ANP32B: variants seen among roughly 807,000 people sequenced by gnomAD.
The protein encoded by ANP32B is acidic nuclear phosphoprotein 32 family member B.
In ANP32B, 6 loss-of-function variants were observed where a neutral mutation model predicts 32.2. That is an observed-to-expected ratio of 0.19 (90% CI 0.10 to 0.37). The LOEUF (loss-of-function observed/expected upper bound fraction) is 0.37, where lower values mean the gene tolerates loss of function less well. Ranked by LOEUF, ANP32B falls within the 10% of genes least tolerant of loss-of-function variation. The pLI, the probability that ANP32B is intolerant of heterozygous loss-of-function variation, is 1.00. For synonymous variants in ANP32B, 98 were observed against 105.8 expected (o/e 0.93, Z 0.45); for missense variants, 204 against 289.2 (o/e 0.71, Z 2.14).
At chr9:97,984,346 C>G (rs1236619368) in intron 1 of ANP32B, among the ~76,000 whole-genome samples, 1 of 151,336 alleles carries the variant, frequency 6.6e-6, no homozygotes. Flanking sequence ...AAAAATAAAA[C>G]TTTCTCCCCC....
At chr9:98,008,633 A>G (rs1244992681) in intron 4 of ANP32B, among the ~76,000 whole-genome samples, 2 of 152,218 alleles carry the variant, frequency 1.3e-5, no homozygotes, top group Non-Finnish European at 2.9e-5. Context: ...TTTGTGAAGC[A>G]AAGTTTTCTG....
intron 4 of ANP32B, among the ~76,000 whole-genome samples, chr9:98,010,307 G>C (rs1828161882): frequency 6.7e-6 from 1 of 149,788 alleles, no homozygotes; most frequent in Admixed American, 6.6e-5. Flanking sequence ...AATAGGCTAG[G>C]TATGGTGGCT....
chr9:97,996,096 T>C (rs1827901112), intron 2 of ANP32B, among the ~76,000 whole-genome samples: 1 of 152,188 alleles, frequency 6.6e-6, no homozygotes, highest in Admixed American at 6.5e-5. Flanking sequence ...CTTCTAAGTA[T>C]ACTAGAGGTT....
chr9:98,010,150 A>G (rs1281843994), intron 4 of ANP32B, among the ~76,000 whole-genome samples: 1 of 152,224 alleles, frequency 6.6e-6, no homozygotes, highest in Admixed American at 6.5e-5. Flanking sequence ...GGGTCAGCCA[A>G]CAAATACTTG....
chr9:97,993,709 A>G (rs1047711642), intron 1 of ANP32B, among the ~76,000 whole-genome samples: 9 of 152,118 alleles, frequency 5.9e-5, no homozygotes, highest in Non-Finnish European at 1.0e-4. Context: ...AATCTCGGCT[A>G]ACTGCCACCT....
At chr9:98,005,662 A>G (rs1468375274) in intron 4 of ANP32B, among the ~76,000 whole-genome samples, 2 of 152,184 alleles carry the variant, frequency 1.3e-5, no homozygotes, top group Non-Finnish European at 2.9e-5. Context: ...GCCTCAAGGG[A>G]TCCTCCCACC....
intron 4 of ANP32B, among the ~76,000 whole-genome samples, chr9:98,006,074 A>G (rs1319536854): frequency 6.9e-6 from 1 of 145,778 alleles, no homozygotes; most frequent in Non-Finnish European, 1.5e-5. Flanking sequence ...GAAGAATCTA[A>G]TGCCTGATGA....
chr9:97,990,337 C>G (rs559086905), intron 1 of ANP32B, among the ~76,000 whole-genome samples: 1 of 152,208 alleles, frequency 6.6e-6, no homozygotes, highest in Non-Finnish European at 1.5e-5. Flanking sequence ...TCATCAAGGT[C>G]CTGTTAAGAA....
intron 4 of ANP32B, among the ~76,000 whole-genome samples, chr9:98,007,013 C>T (rs988803909): frequency 1.3e-5 from 2 of 151,764 alleles, no homozygotes; most frequent in Non-Finnish European, 2.9e-5. Flanking sequence ...AAAAAAAAAA[C>T]TGCTTCACCA....
intron 4 of ANP32B, among the ~76,000 whole-genome samples, chr9:98,005,663 T>G (rs897873135): frequency 2.1e-4 from 32 of 152,308 alleles, no homozygotes; most frequent in African/African-American, 6.7e-4. Flanking sequence ...CCTCAAGGGA[T>G]CCTCCCACCT....
chr9:97,984,609 C>T (rs1420672292), intron 1 of ANP32B: 2 of 150,876 alleles, frequency 1.3e-5, no homozygotes, highest in South Asian at 2.1e-4. Context: ...CTCCCTGCGC[C>T]TGGTGAGCCG....
In ANP32B at chr9:97,996,480, T is replaced by A. The variant is rs546642871; in HGVS notation, c.204+1700T>A. On this transcript the variant is annotated intron_variant, in intron 2 of 6. Transcript: ENST00000339399. ...TAAAAACTTTTAACATTTAAAACAT[T>A]AATCACTTCCCTTATAGGGCTAATG... is the stretch of plus-strand genomic sequence containing the variant. Among the ~76,000 whole-genome samples, 17 of 152,328 alleles carry A rather than the reference T, an allele frequency of 1.1e-4. 1 individual carries two copies. In the South Asian group the frequency reaches 3.5e-3, roughly 32 times the overall value.
intron 1 of ANP32B, among the ~76,000 whole-genome samples, chr9:97,985,363 C>T (rs1053204051): frequency 2.6e-5 from 4 of 152,260 alleles, no homozygotes; most frequent in South Asian, 2.1e-4. Flanking sequence ...CTGTCCTTCC[C>T]GGAGGGCCCG....
intron 3 of ANP32B, among the ~76,000 whole-genome samples, chr9:98,000,228 C>G (rs1478731860): frequency 6.6e-6 from 1 of 152,200 alleles, no homozygotes; most frequent in Non-Finnish European, 1.5e-5. Flanking sequence ...ATCCTTCCAT[C>G]TCGACCTCCC....
chr9:98,010,892 G>GT (rs1245049801), intron 4 of ANP32B, among the ~76,000 whole-genome samples: 7 of 151,860 alleles, frequency 4.6e-5, no homozygotes, highest in Non-Finnish European at 8.8e-5. Flanking sequence ...GTGACAAAGG[G>GT]TAAAAATAAT....
chr9:97,985,001 G>A (rs2131578233), intron 1 of ANP32B, among the ~76,000 whole-genome samples: 1 of 150,970 alleles, frequency 6.6e-6, no homozygotes, highest in East Asian at 2.0e-4. Context: ...GCGTGGGCGT[G>A]GGTCCGACCT....
At chr9:98,013,333 C>T (rs1252157127) in intron 6 of ANP32B, among the ~76,000 whole-genome samples, 1 of 152,100 alleles carries the variant, frequency 6.6e-6, no homozygotes, top group Non-Finnish European at 1.5e-5. Context: ...AGCCTGTTCC[C>T]CATGTTTTAA....
chr9:97,990,760 A>G lies in ANP32B; in HGVS notation c.55-3871A>G, dbSNP rs542861152. Reference sequence around the variant, plus strand: ...TGAAGGAGCTGTCCCTCCTCCAACAAGAGTAGAATGATACCTCATTTTTAA... The same window carrying G: ...TGAAGGAGCTGTCCCTCCTCCAACAGGAGTAGAATGATACCTCATTTTTAA... On this transcript the variant is annotated intron_variant, in intron 1 of 6. Coordinates refer to ENST00000339399, the MANE Select transcript of ANP32B (RefSeq NM_006401.3). Among the ~76,000 whole-genome samples, 36 of 151,692 alleles carry G rather than the reference A, an allele frequency of 2.4e-4. 2 individuals carry two copies. The highest frequency in any genetic ancestry group is 3.4e-3 in the Middle Eastern group (1 of 290).
chr9:97,987,971 A>G (rs1827765303), intron 1 of ANP32B, among the ~76,000 whole-genome samples: 1 of 152,164 alleles, frequency 6.6e-6, no homozygotes, highest in African/African-American at 2.4e-5. Flanking sequence ...TTAGATATAG[A>G]TAGGCCAAAA....
Sources: allele counts gnomAD v4.1 joint callset (sites outside exome capture counted in the v4.1 genomes callset), GRCh38; gene constraint gnomAD v4.1.1; transcripts MANE v1.5; gene names NCBI Gene and HGNC (gene_info 2026-07-23, HGNC 2026-07-21).